The following ITGA1 variants were observed in gnomAD, a reference collection of about 807,000 sequenced individuals.
ITGA1 encodes integrin subunit alpha 1, also known as integrin alpha-1.
ITGA1 carries 85 observed loss-of-function variants against 145.9 expected under a neutral mutation model. The observed-to-expected ratio is 0.58, with a 90% CI of 0.49 to 0.70. The LOEUF (loss-of-function observed/expected upper bound fraction) is 0.70. ITGA1 is among the 30% of genes least tolerant of loss of function. ITGA1 has a pLI of 0.00. For missense variants in ITGA1, 1,351 were observed against 1,418.7 expected, an observed-to-expected ratio of 0.95 and a Z score of 0.77; for synonymous variants, 520 against 495.3, an observed-to-expected ratio of 1.05 and a Z score of -0.66.
At chr5:52,816,353 G>C (rs572105479) in intron 1 of ITGA1, among the ~76,000 whole-genome samples, 1 of 152,168 alleles carries the variant, frequency 6.6e-6, no homozygotes, top group African/African-American at 2.4e-5. Flanking sequence ...GAAAATTAAC[G>C]ATCTTTTAGA....
chr5:52,918,604 A>T, intron 15 of ITGA1, 128 bp from the exon 16 acceptor site: 9 of 696,172 alleles, frequency 1.3e-5, no homozygotes, highest in Non-Finnish European at 2.0e-5. Context: ...AATTAAAGAA[A>T]TGGAGTCCTG....
intron 1 of ITGA1, among the ~76,000 whole-genome samples, chr5:52,841,139 G>C (rs1749247964): frequency 6.6e-6 from 1 of 152,176 alleles, no homozygotes. Context: ...ATGGAGGTAG[G>C]TATCTTGCTG....
intron 18 of ITGA1, among the ~76,000 whole-genome samples, chr5:52,923,435 A>AAAC (rs1354983006): frequency 6.6e-6 from 1 of 152,136 alleles, no homozygotes; most frequent in Non-Finnish European, 1.5e-5. Flanking sequence ...AGAAAAAAAA[A>AAAC]AACTGTTTAA....
At position 52,882,034 on chromosome 5, in the gene ITGA1, A is replaced by C. The variant is rs1344242601; in HGVS notation, c.773+13A>C. 3 of 1,548,652 alleles carry C rather than the reference A, an allele frequency of 1.9e-6. No homozygotes were observed. The African/African-American group carries it at 4.1e-5, about 21-fold the overall frequency. ...TAGACACAGCAAGGTATATGGATAA[A>C]AAAATAAACTAAAGTAAAAGACTGC... On this transcript the variant is annotated intron_variant, in intron 7 of 28. Transcript: ENST00000282588.
chr5:52,850,864 T>A lies in ITGA1; in HGVS notation c.182+1379T>A, dbSNP rs549792014. On this transcript the variant is annotated intron_variant, in intron 2 of 28. Coordinates refer to ENST00000282588, the MANE Select transcript of ITGA1 (RefSeq NM_181501.2). ...AAGGTTAAATGAGTACAGCCCTCCCTCTAGACACCAGCTTTATTCTTTTAG... is the reference window on the plus strand; with the variant it reads ...AAGGTTAAATGAGTACAGCCCTCCCACTAGACACCAGCTTTATTCTTTTAG... Among the ~76,000 whole-genome samples the A allele has an allele frequency of 5.9e-5, 9 of 152,262 alleles. No homozygotes were observed. In the East Asian group the frequency reaches 1.7e-3, roughly 29 times the overall value.
chr5:52,833,248 G>T (rs915902743), intron 1 of ITGA1, among the ~76,000 whole-genome samples: 1 of 151,426 alleles, frequency 6.6e-6, no homozygotes, highest in African/African-American at 2.4e-5. Flanking sequence ...CAATTTAAAA[G>T]GCCATCTTTG....
At chr5:52,939,091 TG>T (rs769538132) in intron 24 of ITGA1, among the ~76,000 whole-genome samples, 1 of 151,984 alleles carries the variant, frequency 6.6e-6, no homozygotes, top group Non-Finnish European at 1.5e-5. Flanking sequence ...CTAGTAGAGA[TG>T]GGGCCTCACC....
At chr5:52,828,956 A>G (rs939075258) in intron 1 of ITGA1, among the ~76,000 whole-genome samples, 1 of 152,084 alleles carries the variant, frequency 6.6e-6, no homozygotes. Context: ...CTGTTTTTGT[A>G]TATAGGTATC....
At position 52,788,313 on chromosome 5, in the gene ITGA1, G is replaced by C; in HGVS notation, c.-41G>C. The C allele has an allele frequency of 5.4e-6, 8 of 1,475,092 alleles. No individual in the cohort carries two copies. The highest frequency in any genetic ancestry group is 6.3e-6 in the Non-Finnish European group (7 of 1,116,500). The allele number at this position is 1,475,092 out of a possible 1,614,324, so 91.4% of individuals were successfully genotyped here. The stretch of plus-strand genomic sequence containing the variant: ...CAGCTCCCGCGCCCGGTCCTGCCCT[G>C]CGAACCAGCGCGGCCCCCTGGCGCT... On this transcript the variant is annotated 5_prime_UTR_variant, in exon 1 of 29. Transcript: ENST00000282588.
At chr5:52,832,167 A>G (rs2456210) in intron 1 of ITGA1, among the ~76,000 whole-genome samples, 149,087 of 152,216 alleles carry the variant, frequency 0.98, 73,177 homozygotes, top group Non-Finnish European at 1. Context: ...AGACCCATGT[A>G]AGCTCTTGAG....
intron 14 of ITGA1, 149 bp downstream of exon 14, chr5:52,910,568 G>A (rs1307098855): frequency 1.4e-6 from 1 of 734,182 alleles, no homozygotes; most frequent in East Asian, 2.8e-5. Context: ...GTTTTTTATA[G>A]ATTAGTTACT....
Position 52,788,425 on chromosome 5 carries a change from C to A in ITGA1, c.61+11C>A. ...GCTGGCTCCTCACTGGTGAGCGACT[C>A]GCTTTTCTCTGAGCATCTCCTGCTC... On this transcript the variant is annotated intron_variant, in intron 1 of 28. Coordinates refer to ENST00000282588, the MANE Select transcript of ITGA1 (RefSeq NM_181501.2). 1 of 1,504,332 alleles carries A rather than the reference C, an allele frequency of 6.6e-7. No homozygotes were observed. Among genetic ancestry groups the A allele is most frequent in the African/African-American group, 1.4e-5 (1 of 69,348 alleles). The allele number at this position is 1,504,332 out of a possible 1,614,324, so 93.2% of individuals were successfully genotyped here.
chr5:52,853,650 T>C (rs1309792968), intron 2 of ITGA1, among the ~76,000 whole-genome samples: 7 of 152,200 alleles, frequency 4.6e-5, no homozygotes. Context: ...CCTTATGTCC[T>C]CTTTACTGTT....
intron 28 of ITGA1, 101 bp downstream of exon 28, chr5:52,947,562 AGC>A: frequency 2.9e-6 from 2 of 701,546 alleles, no homozygotes; most frequent in Non-Finnish European, 5.0e-6. Flanking sequence ...GTATTATTAC[AGC>A]AATGAAACAA....
In ITGA1 at chr5:52,872,575, A is replaced by ATTTTTTT. The variant is rs58664401; in HGVS notation, c.624+6770_624+6776dup. ...CTTCCCCTTACACCCGCCTCAGTCA[A>ATTTTTTT]TTTTTTTTTTTTTTTTTTGTGGGTG... On this transcript the variant is annotated intron_variant, in intron 6 of 28. Transcript: ENST00000282588. Among the ~76,000 whole-genome samples the ATTTTTTT allele has an allele frequency of 2.0e-3, 201 of 98,340 alleles. 16 individuals are homozygous for ATTTTTTT. Among genetic ancestry groups the ATTTTTTT allele is most frequent in the African/African-American group, 2.3e-3 (65 of 27,740 alleles). The allele number at this position is 98,340 out of a possible 152,430, so 64.5% of individuals were successfully genotyped here. A position where few individuals can be genotyped will look rare whatever the true frequency, so the allele number is the denominator to read the frequency against.
chr5:52,801,375 T>C, intron 1 of ITGA1: 1 of 1,551,972 alleles, frequency 6.4e-7, no homozygotes, highest in Non-Finnish European at 8.8e-7. Flanking sequence ...TTCTAGGAGA[T>C]TATTTTGCCT....
intron 24 of ITGA1, among the ~76,000 whole-genome samples, chr5:52,938,822 A>G (rs954213859): frequency 1.3e-5 from 2 of 152,192 alleles, no homozygotes; most frequent in Non-Finnish European, 2.9e-5. Context: ...GTATTACTGG[A>G]TGAATACATA....
rs1186777815 is a variant in ITGA1, at chr5:52,888,213, G to A, written c.924+248G>A. ...GGAAGGAAGGAAGGAAGAAAATAAG[G>A]AAACATGAAAAGAGGAAGAAGGAAG... On this transcript the variant is annotated intron_variant, in intron 8 of 28. Transcript: ENST00000282588. Among the ~76,000 whole-genome samples, 3 of 151,452 alleles carry A rather than the reference G, an allele frequency of 2.0e-5. No individual in the cohort carries two copies. The East Asian group carries it at 5.8e-4, about 29-fold the overall frequency.
At position 52,835,096 on chromosome 5, in the gene ITGA1, A is replaced by G. The variant is rs10043272; in HGVS notation, c.62-14269A>G. Among the ~76,000 whole-genome samples the G allele has an allele frequency of 9.2e-3, 1,408 of 152,290 alleles. 32 individuals carry two copies. Among genetic ancestry groups the G allele is most frequent in the African/African-American group, 0.033 (1,356 of 41,560 alleles). On this transcript the variant is annotated intron_variant, in intron 1 of 28. Transcript: ENST00000282588. ...ACTTACTTTTTTTGGGCCAGTATTT[A>G]GTCGTACAGCTATGCTATCTACCTG...
Sources: gnomAD v4.1 joint callset for allele counts (sites outside exome capture counted in the v4.1 genomes callset) on GRCh38, gnomAD v4.1.1 for gene constraint, MANE v1.5 for transcripts, NCBI Gene and HGNC (gene_info 2026-07-23, HGNC 2026-07-21) for gene names.